The following MTURN variants were observed in gnomAD, a reference collection of about 807,000 sequenced individuals.
MTURN encodes the protein maturin, neural progenitor differentiation regulator homolog.
Under a neutral mutation model 14.9 loss-of-function variants are expected in MTURN, and 7 were observed. The ratio of observed to expected loss-of-function variants is 0.47; its 90% CI spans 0.27 to 0.88. The LOEUF (loss-of-function observed/expected upper bound fraction) is 0.88, where lower values mean the gene tolerates loss of function less well. MTURN is among the 40% of genes least tolerant of loss of function. MTURN has a pLI of 0.14. For missense variants in MTURN, 151 were observed against 174.1 expected (o/e 0.87, Z 0.75); for synonymous variants, 69 against 72.5 (o/e 0.95, Z 0.25).
At chr7:30,141,360 A>G (rs944381502) in intron 1 of MTURN, 1 of 149,008 alleles carries the variant, frequency 6.7e-6, no homozygotes, top group South Asian at 2.1e-4. Flanking sequence ...GGTTGCAGCG[A>G]GCCAAGATCG....
chr7:30,154,692 T>A (rs1797260071), intron 2 of MTURN, among the ~76,000 whole-genome samples: 1 of 152,148 alleles, frequency 6.6e-6, no homozygotes, highest in African/African-American at 2.4e-5. Context: ...CAGTGTCTTT[T>A]TCCACACACC....
intron 2 of MTURN, among the ~76,000 whole-genome samples, chr7:30,154,285 C>T (rs1797252919): frequency 6.6e-6 from 1 of 152,156 alleles, no homozygotes; most frequent in Admixed American, 6.5e-5. Flanking sequence ...TTTCACTCAA[C>T]ACCCTCCCGC....
At chr7:30,144,725 G>A (rs1020685498) in intron 1 of MTURN, among the ~76,000 whole-genome samples, 1 of 152,162 alleles carries the variant, frequency 6.6e-6, no homozygotes, top group Non-Finnish European at 1.5e-5. Context: ...GATCTGAGCA[G>A]TATTTTAAGT....
intron 2 of MTURN, 147 bp downstream of exon 2, chr7:30,146,446 T>C: frequency 8.8e-7 from 1 of 1,135,644 alleles, no homozygotes; most frequent in Non-Finnish European, 1.2e-6. Context: ...TAGCAGCCAG[T>C]ATAGGGAGGC....
intron 1 of MTURN, 113 bp downstream of exon 1, chr7:30,135,411 G>C: frequency 1.1e-6 from 1 of 924,446 alleles, no homozygotes; most frequent in Non-Finnish European, 1.4e-6. Flanking sequence ...GTGGGGGGCC[G>C]TAACCCGCGC....
rs1482370838 is a variant in MTURN at position 30,148,718 on chromosome 7, C to T, written c.285+2419C>T. On this transcript the variant is annotated intron_variant, in intron 2 of 2. Coordinates refer to ENST00000324453, the MANE Select transcript of MTURN (RefSeq NM_152793.3). ...AGAAGGCTGACCCTGAGTTTCTTGC[C>T]CAAGCAGTGAAGGGAATGGCCTAGT... is the stretch of plus-strand genomic sequence containing the variant. Among the ~76,000 whole-genome samples, 3 of 150,542 alleles carry T rather than the reference C, an allele frequency of 2.0e-5. No individual in the cohort carries two copies. In the East Asian group the frequency reaches 5.9e-4, roughly 30 times the overall value.
chr7:30,145,935 TCTG>T (rs1360678335), intron 1 of MTURN: 1 of 1,551,768 alleles, frequency 6.4e-7, no homozygotes, highest in East Asian at 2.4e-5. Flanking sequence ...TAGGAGCAGA[TCTG>T]ATGATGAACA....
intron 1 of MTURN, chr7:30,137,715 C>T (rs1485584323): frequency 4.2e-6 from 2 of 470,748 alleles, no homozygotes; most frequent in African/African-American, 4.0e-5. Context: ...CTACTGTTTG[C>T]CTCTAATAAG....
At chr7:30,137,593 TG>T (rs1796984493) in intron 1 of MTURN, 1 of 471,056 alleles carries the variant, frequency 2.1e-6, no homozygotes, top group African/African-American at 2.0e-5. Flanking sequence ...GATGATTCCT[TG>T]GGTAGAATGG....
chr7:30,138,435 T>C (rs1258728328), intron 1 of MTURN, among the ~76,000 whole-genome samples: 14 of 152,130 alleles, frequency 9.2e-5, no homozygotes, highest in Admixed American at 4.6e-4. Flanking sequence ...AGTTTCTACA[T>C]CTGTAAAATC....
At chr7:30,150,251 G>C (rs1411544131) in intron 2 of MTURN, among the ~76,000 whole-genome samples, 1 of 152,190 alleles carries the variant, frequency 6.6e-6, no homozygotes, top group Non-Finnish European at 1.5e-5. Context: ...GAGGATACTA[G>C]ACAAAATACT....
chr7:30,137,441 A>G (rs1796981674), intron 1 of MTURN: 2 of 365,714 alleles, frequency 5.5e-6, no homozygotes, highest in South Asian at 4.2e-5. Context: ...AAGAAGTATT[A>G]TATTATTTGT....
At chr7:30,139,704 A>C (rs1042240399) in intron 1 of MTURN, among the ~76,000 whole-genome samples, 10 of 152,160 alleles carry the variant, frequency 6.6e-5, no homozygotes, top group African/African-American at 2.2e-4. Flanking sequence ...CAGTAGTTCC[A>C]GGGGCCCATG....
At chr7:30,137,244 A>G (rs2110393) in intron 1 of MTURN, 24,296 of 170,928 alleles carry the variant, frequency 0.14, 2,019 homozygotes, top group African/African-American at 0.2. Context: ...CTCCCTCCTG[A>G]CCGTGTGAAA....
intron 2 of MTURN, among the ~76,000 whole-genome samples, chr7:30,147,909 G>T (rs1198051977): frequency 1.3e-5 from 2 of 152,208 alleles, no homozygotes; most frequent in Admixed American, 1.3e-4. Context: ...GTACCAGTCT[G>T]TCCCACATTC....
rs1033910678 is a variant in MTURN at position 30,159,107 on chromosome 7, G to A, written c.*1559G>A. 1.3e-5 allele frequency: 2 copies of A among 152,146 alleles called. No individual in the cohort carries two copies. The highest frequency in any genetic ancestry group is 2.9e-5 in the Non-Finnish European group (2 of 68,020). The allele number at this position is 152,146 out of a possible 1,614,324, so 9.4% of individuals were successfully genotyped here. On this transcript the variant is annotated 3_prime_UTR_variant, in exon 3 of 3. Coordinates refer to ENST00000324453, the MANE Select transcript of MTURN (RefSeq NM_152793.3). ...TTTTAAGTCATCGGGTAAAATAATAGGACAGTGATTTCCATCTGTGCTTCA... is the reference window on the plus strand; with the variant it reads ...TTTTAAGTCATCGGGTAAAATAATAAGACAGTGATTTCCATCTGTGCTTCA...
chr7:30,162,535 A>G lies in MTURN; in HGVS notation c.*4987A>G, dbSNP rs1797391146. 1.4e-5 allele frequency: 2 copies of G among 147,900 alleles called. No individual in the cohort carries two copies. Among genetic ancestry groups the G allele is most frequent in the Admixed American group, 6.8e-5 (1 of 14,782 alleles). 9.2% of individuals were successfully genotyped at this position (147,900 alleles called of 1,614,324 possible). On this transcript the variant is annotated 3_prime_UTR_variant, in exon 3 of 3. Coordinates refer to ENST00000324453, the MANE Select transcript of MTURN (RefSeq NM_152793.3). ...AGGCAAGAAGTGTTGCCGGTAGGGT[A>G]TGTGTGCTTTCTTTGCCTTCCTATT...
intron 2 of MTURN, among the ~76,000 whole-genome samples, chr7:30,151,826 G>A (rs190398135): frequency 3.3e-4 from 50 of 152,238 alleles, no homozygotes; most frequent in Admixed American, 2.5e-3. Flanking sequence ...GTGACTCTGC[G>A]TTTCTTCTCT....
chr7:30,139,963 T>C (rs1215583403), intron 1 of MTURN, among the ~76,000 whole-genome samples: 1 of 152,102 alleles, frequency 6.6e-6, no homozygotes, highest in Non-Finnish European at 1.5e-5. Flanking sequence ...AAGGGAGGGC[T>C]CCTGGCCCTG....
Sources: allele counts gnomAD v4.1 joint callset (sites outside exome capture counted in the v4.1 genomes callset), GRCh38; gene constraint gnomAD v4.1.1; transcripts MANE v1.5; gene names NCBI Gene and HGNC (gene_info 2026-07-23, HGNC 2026-07-21).